The following TBC1D8B variants were observed in gnomAD, a reference collection of about 807,000 sequenced individuals.
TBC1D8B encodes RP11-321G1.1.
A neutral mutation model predicts 82.9 loss-of-function variants in TBC1D8B; 75 were observed. The ratio of observed to expected loss-of-function variants is 0.90; its 90% CI spans 0.75 to 1.10. The LOEUF (loss-of-function observed/expected upper bound fraction) is 1.10, where lower values mean the gene tolerates loss of function less well. TBC1D8B is among the 50% of genes least tolerant of loss of function. The probability of loss-of-function intolerance (pLI) is 0.00; values close to 1 mark genes in which losing one functional copy is unlikely to be tolerated. For synonymous variants in TBC1D8B, 276 were observed against 276.8 expected (o/e 1.00, Z 0.03); for missense variants, 794 against 796.9 (o/e 1.00, Z 0.04).
intron 7 of TBC1D8B, among the ~76,000 whole-genome samples, chrX:106,830,408 C>G (rs1417990781): frequency 9.0e-6 from 1 of 111,495 alleles, no homozygotes; most frequent in African/African-American, 3.3e-5. Context: ...GGATCTAGAA[C>G]TAGTCATACC....
chrX:106,819,027 C>A (rs1185780295), intron 2 of TBC1D8B, among the ~76,000 whole-genome samples: 5 of 107,380 alleles, frequency 4.7e-5, no homozygotes, highest in African/African-American at 1.7e-4. Context: ...AGATTTTGGT[C>A]AGTGTTACTG....
rs758202313 is a variant in TBC1D8B, at chrX:106,827,165, C to G, written c.1036-5C>G. ...TAATTGACCTCTATGTTTTTCACCC[C>G]CTAGGTCTTAGCTATAGATAAGACA... On this transcript the variant is annotated splice_polypyrimidine_tract_variant and splice_region_variant and intron_variant, in intron 6 of 20. Coordinates refer to ENST00000357242, the MANE Select transcript of TBC1D8B (RefSeq NM_017752.3). 1 of 1,207,772 alleles carries G rather than the reference C, an allele frequency of 8.3e-7. No individual in the cohort carries two copies. Among genetic ancestry groups the G allele is most frequent in the Admixed American group, 2.2e-5 (1 of 45,541 alleles).
At chrX:106,841,674 T>G (rs6523899) in intron 10 of TBC1D8B, among the ~76,000 whole-genome samples, 6,828 of 111,594 alleles carry the variant, frequency 0.061, 550 homozygotes, top group African/African-American at 0.21. Flanking sequence ...TAATTTTATT[T>G]CTTGAAGGAA....
At chrX:106,833,306 A>G (rs1932087631) in intron 7 of TBC1D8B, among the ~76,000 whole-genome samples, 1 of 111,811 alleles carries the variant, frequency 8.9e-6, no homozygotes. Flanking sequence ...TTAACAATCT[A>G]TGTTGCTTTC....
chrX:106,823,124 T>C, intron 4 of TBC1D8B, 102 bp from the exon 5 acceptor site: 1 of 891,162 alleles, frequency 1.1e-6, no homozygotes, highest in Non-Finnish European at 1.5e-6. Flanking sequence ...TAGCTGTTTA[T>C]AGTATTTTTC....
In TBC1D8B at chrX:106,869,514, G is replaced by C; in HGVS notation, c.2842G>C (p.Glu948Gln). 1.7e-6 allele frequency: 2 copies of C among 1,208,561 alleles called. No individual in the cohort carries two copies. Among genetic ancestry groups the C allele is most frequent in the Non-Finnish European group, 2.2e-6 (2 of 893,380 alleles). Residue 948 changes from glutamate to glutamine, a missense_variant, in exon 19 of 21, where the codon GAA becomes CAA. Coordinates refer to ENST00000357242, the MANE Select transcript of TBC1D8B (RefSeq NM_017752.3). Reference sequence around the variant, plus strand: ...CAAGCCTGCAAATGAGAAGGAAGCAGAATCAGCAAAACACAGCCCTGAAAA... The same window carrying C: ...CAAGCCTGCAAATGAGAAGGAAGCACAATCAGCAAAACACAGCCCTGAAAA... ...VSKPANEKEAESAKHSPEKGK... is the reference protein window; with the variant it reads ...VSKPANEKEAQSAKHSPEKGK...
In TBC1D8B at chrX:106,857,720, C is replaced by A. The variant is rs1602433686; in HGVS notation, c.2352+3424C>A. On this transcript the variant is annotated intron_variant, in intron 14 of 20. Transcript: ENST00000357242. ...TTAGGATAACGGTCTCCAGCTCCAT[C>A]CATGTTGCTCCAAAGAACATAATAT... 3.6e-5 allele frequency among the ~76,000 whole-genome samples: 4 copies of A among 112,120 alleles called. No homozygotes were observed. The Admixed American group carries it at 3.8e-4, about 11-fold the overall frequency.
rs949531457 is a variant in TBC1D8B at position 106,825,976 on chromosome X, G to C, written c.828-54G>C. ...TCAATATAGGCATATGTATACCTTA[G>C]AATTCATTTCTAAAAATTCATTTGT... On this transcript the variant is annotated intron_variant, in intron 5 of 20. Transcript: ENST00000357242. The C allele has an allele frequency of 2.8e-6, 3 of 1,079,960 alleles. No individual in the cohort carries two copies. In the African/African-American group the frequency reaches 5.5e-5, roughly 20 times the overall value. 89.0% of individuals were successfully genotyped at this position (1,079,960 alleles called of 1,213,427 possible).
chrX:106,816,743 T>C (rs1428417304), intron 1 of TBC1D8B, among the ~76,000 whole-genome samples: 3 of 111,538 alleles, frequency 2.7e-5, no homozygotes, highest in Non-Finnish European at 3.8e-5. Flanking sequence ...AAATTTCTAA[T>C]TGATGCTATG....
intron 7 of TBC1D8B, among the ~76,000 whole-genome samples, chrX:106,831,507 T>C (rs1350619545): frequency 3.6e-5 from 4 of 111,391 alleles, no homozygotes; most frequent in African/African-American, 1.3e-4. Context: ...CTCCCAATGC[T>C]CCCAAATTCT....
chrX:106,830,948 TAATA>T lies in TBC1D8B; in HGVS notation c.1203+3642_1203+3645del, dbSNP rs769351110. 1.8e-3 allele frequency among the ~76,000 whole-genome samples: 186 copies of T among 104,881 alleles called. 2 individuals carry two copies. The highest frequency in any genetic ancestry group is 4.3e-3 in the African/African-American group (122 of 28,132). 91.1% of individuals were successfully genotyped at this position (104,881 alleles called of 115,157 possible). ...TACCCTAAAACTTAAAGTATAATAA[TAATA>T]AATAAATAAATAAATAAATAAATAA... On this transcript the variant is annotated intron_variant, in intron 7 of 20. Transcript: ENST00000357242.
chrX:106,827,091 A>G, intron 6 of TBC1D8B, 79 bp from the exon 7 acceptor site: 1 of 1,100,507 alleles, frequency 9.1e-7, no homozygotes, highest in Non-Finnish European at 1.2e-6. Flanking sequence ...GCCACAAAAG[A>G]GTAAGCCAAA....
chrX:106,830,646 G>A (rs1272874066), intron 7 of TBC1D8B, among the ~76,000 whole-genome samples: 1 of 109,619 alleles, frequency 9.1e-6, no homozygotes, highest in African/African-American at 3.3e-5. Context: ...TCCTTTGTAG[G>A]GACATGGATG....
At chrX:106,871,488 T>TC (rs927528329) in intron 20 of TBC1D8B, among the ~76,000 whole-genome samples, 2 of 112,023 alleles carry the variant, frequency 1.8e-5, no homozygotes, top group African/African-American at 3.2e-5. Flanking sequence ...CTGCCTTTTT[T>TC]CCTCTACTCT....
chrX:106,858,662 T>C lies in TBC1D8B; in HGVS notation c.2352+4366T>C, dbSNP rs190222626. Among the ~76,000 whole-genome samples, 288 of 112,493 alleles carry C rather than the reference T, an allele frequency of 2.6e-3. 3 individuals carry two copies. Among genetic ancestry groups the C allele is most frequent in the African/African-American group, 8.5e-3 (265 of 31,022 alleles). On this transcript the variant is annotated intron_variant, in intron 14 of 20. Coordinates refer to ENST00000357242, the MANE Select transcript of TBC1D8B (RefSeq NM_017752.3). Reference sequence around the variant, plus strand: ...CAAATATTTTTTCCCACTCTGTAGGTTGTCTGTTTACTCTGTTGATAGTTT... The same window carrying C: ...CAAATATTTTTTCCCACTCTGTAGGCTGTCTGTTTACTCTGTTGATAGTTT...
chrX:106,868,797 GC>G (rs374853263), intron 18 of TBC1D8B, among the ~76,000 whole-genome samples: 7 of 111,786 alleles, frequency 6.3e-5, no homozygotes, highest in African/African-American at 9.7e-5. Flanking sequence ...ATGATTAAAG[GC>G]CATAGCTATT....
At position 106,868,428 on chromosome X, in the gene TBC1D8B, G is replaced by T; in HGVS notation, c.2764G>T (p.Gly922Ter). 2.0e-6 allele frequency: 2 copies of T among 1,004,227 alleles called. No individual in the cohort carries two copies. Among genetic ancestry groups the T allele is most frequent in the Non-Finnish European group, 1.3e-6 (1 of 782,204 alleles). The allele number at this position is 1,004,227 out of a possible 1,213,427, so 82.8% of individuals were successfully genotyped here. Residue 922 changes from glycine (G) to a stop codon, truncating the protein, a stop_gained, in exon 18 of 21, where the codon GGA (glycine) becomes TGA (stop). Transcript: ENST00000357242. LOFTEE classifies it high-confidence loss of function. ...TEVKSKDASK[G>*]DELSKEELLY... is the part of the protein sequence containing the mutation. ...AGTGAAATCTAAGGATGCTTCAAAA[G>T]GAGATGAACTTTCCAAGGAAGAATT...
At chrX:106,844,296 G>T (rs1319239891) in intron 10 of TBC1D8B, among the ~76,000 whole-genome samples, 1 of 109,076 alleles carries the variant, frequency 9.2e-6, no homozygotes, top group African/African-American at 3.3e-5. Flanking sequence ...TATCTTAAGG[G>T]GAGTAATCAG....
At chrX:106,824,111 A>G (rs752253250) in intron 5 of TBC1D8B, among the ~76,000 whole-genome samples, 12 of 111,795 alleles carry the variant, frequency 1.1e-4, no homozygotes, top group African/African-American at 3.2e-4. Context: ...GCTGTTTGCC[A>G]TTATATTTGG....
Sources: allele counts gnomAD v4.1 joint callset (sites outside exome capture counted in the v4.1 genomes callset), GRCh38; gene constraint gnomAD v4.1.1; transcripts MANE v1.5; gene names NCBI Gene and HGNC (gene_info 2026-07-23, HGNC 2026-07-21).